The following GALNT13 variants were observed in gnomAD, a reference collection of about 807,000 sequenced individuals.
GALNT13 encodes the protein UDP-GalNAc:polypeptide N-acetylgalactosaminyltransferase 13.
GALNT13 carries 28 observed loss-of-function variants against 64.2 expected under a neutral mutation model. The ratio of observed to expected loss-of-function variants is 0.44; its 90% CI spans 0.32 to 0.60. The LOEUF (loss-of-function observed/expected upper bound fraction) is 0.60. Ranked by LOEUF, GALNT13 falls within the 20% of genes least tolerant of loss-of-function variation. The pLI is 0.05. For synonymous variants in GALNT13, 214 were observed against 224.6 expected, an observed-to-expected ratio of 0.95 and a Z score of 0.42; for missense variants, 577 against 669.8, an observed-to-expected ratio of 0.86 and a Z score of 1.53.
chr2:154,243,428 T>A lies in GALNT13; in HGVS notation c.686+523T>A, dbSNP rs541703960. ...TAGTTCAAATCCACCTGGAATGTCT[T>A]AAAAATGCACACACACACATGCACA... On this transcript the variant is annotated intron_variant, in intron 6 of 12. Transcript: ENST00000392825. Among the ~76,000 whole-genome samples the A allele has an allele frequency of 2.4e-4, 36 of 151,910 alleles. 1 individual carries two copies. Among genetic ancestry groups the A allele is most frequent in the Admixed American group, 6.6e-4 (10 of 15,238 alleles).
intron 9 of GALNT13, among the ~76,000 whole-genome samples, chr2:154,367,398 A>G (rs577585342): frequency 1.3e-5 from 2 of 152,336 alleles, no homozygotes; most frequent in South Asian, 2.1e-4. Context: ...TGATTTTGTT[A>G]GCCATTAGTT....
At chr2:154,236,055 C>G (rs1056394598) in intron 4 of GALNT13, 2 of 1,244,444 alleles carry the variant, frequency 1.6e-6, no homozygotes, top group Non-Finnish European at 2.1e-6. Flanking sequence ...GCTAATAGAC[C>G]ATGAGAACAG....
At chr2:153,258,604 T>G in the GALNT13 span, among the ~76,000 whole-genome samples, 12 of 152,308 alleles carry the variant, frequency 7.9e-5, no homozygotes, top group African/African-American at 2.9e-4. Flanking sequence ...GCTATAAACT[T>G]TCCTCTTGGA....
In GALNT13 at chr2:154,025,681, T is replaced by G. The variant is rs143442678; in HGVS notation, c.142+81042T>G. Among the ~76,000 whole-genome samples, 94 of 152,318 alleles carry G rather than the reference T, an allele frequency of 6.2e-4. 2 individuals are homozygous for G. In the East Asian group the frequency reaches 0.018, roughly 28 times the overall value. ...ATTTCTTCATTTAGTCAACAAATCT[T>G]TATTAATTACTCACTCTGTACCAAA... On this transcript the variant is annotated intron_variant, in intron 3 of 12. Transcript: ENST00000392825.
intron 12 of GALNT13, among the ~76,000 whole-genome samples, chr2:154,439,636 T>C (rs1304445496): frequency 6.6e-6 from 1 of 152,156 alleles, no homozygotes; most frequent in East Asian, 1.9e-4. Context: ...TCTACAGAGT[T>C]TTTGGTATTG....
the GALNT13 span, among the ~76,000 whole-genome samples, chr2:153,343,452 A>G: frequency 1.3e-5 from 2 of 152,178 alleles, no homozygotes; most frequent in African/African-American, 4.8e-5. Context: ...TACCATGCAC[A>G]TTAGATAAAT....
the GALNT13 span, among the ~76,000 whole-genome samples, chr2:153,666,002 A>C: frequency 2.0e-5 from 3 of 152,212 alleles, no homozygotes; most frequent in East Asian, 3.9e-4. Flanking sequence ...GATACAGACA[A>C]AGCATGGCTG....
the GALNT13 span, among the ~76,000 whole-genome samples, chr2:153,467,553 T>A: frequency 6.6e-6 from 1 of 152,028 alleles, no homozygotes; most frequent in African/African-American, 2.4e-5. Flanking sequence ...ATAAGAACAT[T>A]TTACCTGTAT....
At chr2:153,813,785 AC>A in the GALNT13 span, among the ~76,000 whole-genome samples, 1 of 152,198 alleles carries the variant, frequency 6.6e-6, no homozygotes, top group Non-Finnish European at 1.5e-5. Flanking sequence ...CCATATCATG[AC>A]TTTAACAACT....
chr2:153,598,723 A>G, the GALNT13 span, among the ~76,000 whole-genome samples: 4 of 152,102 alleles, frequency 2.6e-5, no homozygotes, highest in Non-Finnish European at 5.9e-5. Flanking sequence ...ATACAATAAT[A>G]CTTTATTCCT....
intron 11 of GALNT13, chr2:154,437,417 A>C (rs532308975): frequency 1.8e-6 from 1 of 562,614 alleles, no homozygotes; most frequent in African/African-American, 2.1e-5. Flanking sequence ...TTCATCAGAT[A>C]TCTTTGAGAA....
At chr2:153,595,959 G>A in the GALNT13 span, among the ~76,000 whole-genome samples, 32,744 of 152,134 alleles carry the variant, frequency 0.22, 3,954 homozygotes, top group African/African-American at 0.32. Flanking sequence ...TTGTGATTCT[G>A]AGTGGCTCAG....
At chr2:153,445,578 G>T in the GALNT13 span, among the ~76,000 whole-genome samples, 1 of 152,066 alleles carries the variant, frequency 6.6e-6, no homozygotes, top group Non-Finnish European at 1.5e-5. Flanking sequence ...GGGTTTTGCT[G>T]TGTTGCTCAG....
chr2:153,527,450 A>C, the GALNT13 span, among the ~76,000 whole-genome samples: 4 of 152,030 alleles, frequency 2.6e-5, no homozygotes, highest in African/African-American at 9.7e-5. Flanking sequence ...AAAGAACACA[A>C]ATGAGAAATA....
At chr2:154,186,696 A>G (rs975708547) in intron 4 of GALNT13, among the ~76,000 whole-genome samples, 6 of 152,130 alleles carry the variant, frequency 3.9e-5, no homozygotes, top group African/African-American at 1.4e-4. Flanking sequence ...TTATTGAGCT[A>G]AAGTAAAATT....
At chr2:153,896,713 T>C (rs1263961556) in intron 1 of GALNT13, among the ~76,000 whole-genome samples, 2 of 152,066 alleles carry the variant, frequency 1.3e-5, no homozygotes, top group Non-Finnish European at 2.9e-5. Context: ...CGATAGGTAG[T>C]TTTTTGATCC....
chr2:154,251,733 C>T (rs1249629911), intron 7 of GALNT13, among the ~76,000 whole-genome samples: 2 of 152,138 alleles, frequency 1.3e-5, no homozygotes, highest in Non-Finnish European at 2.9e-5. Flanking sequence ...ACTTTAATTA[C>T]ATTCAGCATT....
Position 154,298,758 on chromosome 2 carries a change from T to G in GALNT13, c.976-2651T>G, listed in dbSNP as rs1414943747. ...ATATAGTATATATAAATATATATACTATATATAAATTATATATTTATTTAT... is the reference window on the plus strand; with the variant it reads ...ATATAGTATATATAAATATATATACGATATATAAATTATATATTTATTTAT... On this transcript the variant is annotated intron_variant, in intron 8 of 12. Transcript: ENST00000392825. Among the ~76,000 whole-genome samples the G allele has an allele frequency of 6.7e-5, 2 of 29,698 alleles. 1 individual carries two copies. Among genetic ancestry groups the G allele is most frequent in the African/African-American group, 1.7e-4 (2 of 11,654 alleles). The allele number at this position is 29,698 out of a possible 152,430, so 19.5% of individuals were successfully genotyped here.
chr2:153,921,908 A>T (rs1689785502), intron 2 of GALNT13, among the ~76,000 whole-genome samples: 2 of 152,136 alleles, frequency 1.3e-5, no homozygotes, highest in Non-Finnish European at 2.9e-5. Context: ...TAAGATGAAT[A>T]AAAAAAGGAT....
Sources: gnomAD v4.1 joint callset for allele counts (sites outside exome capture counted in the v4.1 genomes callset) on GRCh38, gnomAD v4.1.1 for gene constraint, MANE v1.5 for transcripts, NCBI Gene and HGNC (gene_info 2026-07-23, HGNC 2026-07-21) for gene names.